The following RIMS3 variants were observed in gnomAD, a reference collection of about 807,000 sequenced individuals.
RIMS3 encodes regulating synaptic membrane exocytosis protein 3.
Under a neutral mutation model 29.2 loss-of-function variants are expected in RIMS3, and 15 were observed. The observed-to-expected ratio is 0.51, with a 90% CI of 0.34 to 0.79. The LOEUF is 0.79. Among genes scored for constraint, RIMS3 ranks in the 30% least tolerant of loss-of-function variants. RIMS3 has a pLI of 0.01. For synonymous variants in RIMS3, 161 were observed against 170.1 expected (o/e 0.95, Z 0.41); for missense variants, 342 against 421.4 (o/e 0.81, Z 1.65).
intron 1 of RIMS3, among the ~76,000 whole-genome samples, chr1:40,662,022 A>G (rs568046776): frequency 7.5e-4 from 115 of 152,324 alleles, no homozygotes; most frequent in Non-Finnish European, 1.6e-4. Flanking sequence ...GCACAGGGAA[A>G]AGGGTAGGAG....
rs1330826001 is a variant in RIMS3 at position 40,626,504 on chromosome 1, C to T, written c.*13G>A. The T allele has an allele frequency of 1.9e-6, 3 of 1,591,550 alleles. No homozygotes were observed. The highest frequency in any genetic ancestry group is 2.6e-6 in the Non-Finnish European group (3 of 1,168,730). On this transcript the variant is annotated 3_prime_UTR_variant, in exon 8 of 8. Coordinates refer to ENST00000372684, the MANE Select transcript of RIMS3 (RefSeq NM_014747.3). ...CCTCCCCACACCACCATCCTGGCCT[C>T]TTCCTGACATCCTTAAGAGCATGAG... is the stretch of plus-strand genomic sequence containing the variant.
chr1:40,675,303 A>G, the RIMS3 span, among the ~76,000 whole-genome samples: 4 of 151,558 alleles, frequency 2.6e-5, no homozygotes, highest in African/African-American at 7.3e-5. Context: ...AGAAATTGTC[A>G]GGTGGCAGAA....
intron 6 of RIMS3, 49 bp downstream of exon 6, chr1:40,629,222 T>C (rs779903314): frequency 2.7e-6 from 4 of 1,490,218 alleles, no homozygotes; most frequent in Non-Finnish European, 3.7e-6. Flanking sequence ...GACCCAGAGC[T>C]CGGCTCTATG....
the RIMS3 span, chr1:40,673,175 T>A: frequency 1.3e-5 from 2 of 151,280 alleles, no homozygotes; most frequent in South Asian, 4.2e-4. Context: ...CAAGGCTCCA[T>A]CTCAAAAAAA....
At chr1:40,689,766 C>T in the RIMS3 span, among the ~76,000 whole-genome samples, 1 of 152,134 alleles carries the variant, frequency 6.6e-6, no homozygotes, top group Non-Finnish European at 1.5e-5. Context: ...TTATATGTAT[C>T]AATTGACTGT....
At position 40,628,918 on chromosome 1, in the gene RIMS3, A is replaced by T. The variant is rs765020652; in HGVS notation, c.606T>A (p.Asn202Lys). ...TCTTCTTCTTGGCCAAGCAGGCCCCATTCTCCAGCAGGTAAACCTTGATAT... is the reference window on the plus strand; with the variant it reads ...TCTTCTTCTTGGCCAAGCAGGCCCCTTTCTCCAGCAGGTAAACCTTGATAT... Reference protein sequence around the residue: ...ATYIKVYLLENGACLAKKKTK... With the variant: ...ATYIKVYLLEKGACLAKKKTK... The change falls in exon 7 of 8, where the codon AAT becomes AAA. Residue 202 changes from asparagine to lysine, a missense_variant. Physicochemically the swap from Asn to Lys is moderately conservative, Grantham distance 94. Transcript: ENST00000372684. 1.2e-6 allele frequency: 2 copies of T among 1,613,528 alleles called. No individual in the cohort carries two copies. The highest frequency in any genetic ancestry group is 2.7e-5 in the African/African-American group (2 of 74,870).
chr1:40,673,101 A>C, the RIMS3 span, among the ~76,000 whole-genome samples: 1 of 151,830 alleles, frequency 6.6e-6, no homozygotes, highest in Non-Finnish European at 1.5e-5. Flanking sequence ...AATTGCTTGA[A>C]ACTGGGAGGC....
intron 1 of RIMS3, among the ~76,000 whole-genome samples, chr1:40,653,900 C>CT (rs1237272760): frequency 6.6e-6 from 1 of 152,146 alleles, no homozygotes; most frequent in African/African-American, 2.4e-5. Flanking sequence ...GTCACCCTAG[C>CT]TGGTGGATAC....
At chr1:40,688,769 A>AT in the RIMS3 span, among the ~76,000 whole-genome samples, 1 of 152,208 alleles carries the variant, frequency 6.6e-6, no homozygotes, top group Non-Finnish European at 1.5e-5. Flanking sequence ...TAGAGGGGCA[A>AT]TGGTAGTGCT....
chr1:40,641,578 G>A, intron 3 of RIMS3, 131 bp downstream of exon 3: 2 of 823,004 alleles, frequency 2.4e-6, no homozygotes, highest in Admixed American at 5.1e-5. Context: ...AACAGCACCT[G>A]GTGTATGGGA....
At chr1:40,631,912 G>T (rs1385444145) in intron 5 of RIMS3, among the ~76,000 whole-genome samples, 1 of 152,046 alleles carries the variant, frequency 6.6e-6, no homozygotes, top group Non-Finnish European at 1.5e-5. Flanking sequence ...GTAAAGGTAG[G>T]TTATGGTGAG....
intron 3 of RIMS3, among the ~76,000 whole-genome samples, chr1:40,637,090 G>A (rs1646525050): frequency 6.6e-6 from 1 of 152,196 alleles, no homozygotes; most frequent in Non-Finnish European, 1.5e-5. Flanking sequence ...TAGAGGCCAA[G>A]CGAATTAACA....
intron 2 of RIMS3, 116 bp from the exon 3 acceptor site, chr1:40,642,072 T>C: frequency 1.5e-6 from 1 of 645,998 alleles, no homozygotes. Context: ...TCTGAGGCTA[T>C]AAGGTTAAAT....
At chr1:40,631,743 G>T (rs535218239) in intron 5 of RIMS3, among the ~76,000 whole-genome samples, 1 of 152,144 alleles carries the variant, frequency 6.6e-6, no homozygotes, top group African/African-American at 2.4e-5. Context: ...ACTTTGGGAG[G>T]CTGAGGTGGA....
the RIMS3 span, among the ~76,000 whole-genome samples, chr1:40,682,865 C>G: frequency 1.3e-5 from 2 of 150,242 alleles, no homozygotes; most frequent in Non-Finnish European, 3.0e-5. Context: ...CTCAGCCTCC[C>G]GAGTAGCTGG....
At chr1:40,648,056 G>A (rs1028020680) in intron 1 of RIMS3, among the ~76,000 whole-genome samples, 17 of 152,150 alleles carry the variant, frequency 1.1e-4, no homozygotes, top group African/African-American at 4.1e-4. Flanking sequence ...ATGTCAAGCT[G>A]CTGAAGACCC....
At chr1:40,628,687 GA>G in intron 7 of RIMS3, 122 bp downstream of exon 7, 1 of 1,323,616 alleles carries the variant, frequency 7.6e-7, no homozygotes. Context: ...GAAAGTAAAT[GA>G]GTAACGCAAA....
At chr1:40,627,474 C>T (rs964168512) in intron 7 of RIMS3, among the ~76,000 whole-genome samples, 1 of 152,136 alleles carries the variant, frequency 6.6e-6, no homozygotes, top group African/African-American at 2.4e-5. Context: ...GTGATCTACC[C>T]GCCTCGGCCT....
rs764627942 is a variant in RIMS3, at chr1:40,629,279, G to C, written c.566C>G (p.Ser189Cys). The C allele has an allele frequency of 1.2e-6, 2 of 1,613,806 alleles. No homozygotes were observed. Among genetic ancestry groups the C allele is most frequent in the Non-Finnish European group, 8.5e-7 (1 of 1,179,828 alleles). ...TTTCCAAAATCCCTCACCTGGGAGGGATTTGGAGCCTGGTTTGGGGGTCAG... is the reference window on the plus strand; with the variant it reads ...TTTCCAAAATCCCTCACCTGGGAGGCATTTGGAGCCTGGTTTGGGGGTCAG... ...RGLTPKPGSK[S>C]LPATYIKVYL... The change falls in exon 6 of 8, where the codon TCC becomes TGC. Residue 189 changes from serine to cysteine, a missense_variant. Ser to Cys is a moderately radical substitution (Grantham distance 112, BLOSUM62 -1). Coordinates refer to ENST00000372684, the MANE Select transcript of RIMS3 (RefSeq NM_014747.3).
Sources: gnomAD v4.1 joint callset for allele counts (sites outside exome capture counted in the v4.1 genomes callset) on GRCh38, gnomAD v4.1.1 for gene constraint, MANE v1.5 for transcripts, NCBI Gene and HGNC (gene_info 2026-07-23, HGNC 2026-07-21) for gene names.